The following RAPGEF5 variants were observed in gnomAD, a reference collection of about 807,000 sequenced individuals.
The protein encoded by RAPGEF5 is M-Ras-regulated GEF.
RAPGEF5 carries 65 observed loss-of-function variants against 125.2 expected under a neutral mutation model. That is an observed-to-expected ratio of 0.52 (90% CI 0.43 to 0.64). The LOEUF is 0.64. RAPGEF5 is among the 30% of genes least tolerant of loss of function. RAPGEF5 has a pLI of 0.00. For synonymous variants in RAPGEF5, 391 were observed against 385.9 expected (o/e 1.01, Z -0.16); for missense variants, 958 against 1,048.1 (o/e 0.91, Z 1.19).
chr7:22,239,133 G>C (rs1786260319), intron 7 of RAPGEF5, among the ~76,000 whole-genome samples: 1 of 152,156 alleles, frequency 6.6e-6, no homozygotes, highest in Non-Finnish European at 1.5e-5. Context: ...CTGCCTTTCA[G>C]TTCCCAGGGC....
chr7:22,317,520 G>A (rs544268004), intron 2 of RAPGEF5, among the ~76,000 whole-genome samples: 14 of 152,106 alleles, frequency 9.2e-5, no homozygotes, highest in African/African-American at 2.9e-4. Context: ...GATTACAGGC[G>A]TGAGCCACCA....
chr7:22,195,506 T>C (rs535290844), intron 9 of RAPGEF5, among the ~76,000 whole-genome samples: 15 of 152,204 alleles, frequency 9.9e-5, no homozygotes, highest in Non-Finnish European at 1.8e-4. Context: ...GTAAAACCGA[T>C]GTATTACATT....
At chr7:22,349,422 CA>C (rs34428356) in intron 1 of RAPGEF5, among the ~76,000 whole-genome samples, 5,939 of 74,898 alleles carry the variant, frequency 0.079, 109 homozygotes, top group African/African-American at 0.16. Flanking sequence ...AGACTCCATC[CA>C]AAAAAAAAAA....
At chr7:22,171,427 T>C (rs2128117355) in intron 11 of RAPGEF5, among the ~76,000 whole-genome samples, 1 of 152,392 alleles carries the variant, frequency 6.6e-6, no homozygotes, top group East Asian at 1.9e-4. Context: ...AGTATTCATT[T>C]TGATTTCTAA....
chr7:22,203,215 C>A (rs1301753946), intron 9 of RAPGEF5, among the ~76,000 whole-genome samples: 9 of 152,060 alleles, frequency 5.9e-5, no homozygotes, highest in Non-Finnish European at 8.8e-5. Context: ...GCCCCTCTGC[C>A]AGAGGAGGGC....
At chr7:22,190,631 T>C (rs1391136329) in intron 11 of RAPGEF5, among the ~76,000 whole-genome samples, 1 of 152,212 alleles carries the variant, frequency 6.6e-6, no homozygotes, top group Non-Finnish European at 1.5e-5. Context: ...TATCTATTTG[T>C]ATGTTAACAT....
intron 11 of RAPGEF5, among the ~76,000 whole-genome samples, chr7:22,190,492 G>T (rs1784959362): frequency 1.3e-5 from 2 of 152,100 alleles, no homozygotes; most frequent in South Asian, 4.1e-4. Flanking sequence ...TAAAAAGCTT[G>T]ATTTGCTGAT....
chr7:22,208,213 G>C (rs1381317122), intron 9 of RAPGEF5, among the ~76,000 whole-genome samples: 1 of 152,120 alleles, frequency 6.6e-6, no homozygotes, highest in East Asian at 1.9e-4. Flanking sequence ...GCTTTTCTCA[G>C]TGAATGAAGG....
At position 22,332,570 on chromosome 7, in the gene RAPGEF5, T is replaced by G. The variant is rs76983175; in HGVS notation, c.232-14533A>C. ...CTCACCCACATTTCTGTAGTAAAGA[T>G]TCCATGCTAACAAGAGGTTTTCAAC... On this transcript the variant is annotated intron_variant, in intron 1 of 25. Transcript: ENST00000665637. Among the ~76,000 whole-genome samples, 708 of 152,328 alleles carry G rather than the reference T, an allele frequency of 4.6e-3. 5 individuals carry two copies. The highest frequency in any genetic ancestry group is 8.5e-3 in the Non-Finnish European group (576 of 68,024).
intron 1 of RAPGEF5, among the ~76,000 whole-genome samples, chr7:22,324,498 G>A (rs1783777042): frequency 6.6e-6 from 1 of 152,194 alleles, no homozygotes; most frequent in Admixed American, 6.6e-5. Context: ...CTGTGGTTAT[G>A]TAGAAATGTT....
intron 11 of RAPGEF5, among the ~76,000 whole-genome samples, chr7:22,177,026 A>T (rs374104130): frequency 1.3e-5 from 2 of 152,304 alleles, no homozygotes; most frequent in East Asian, 3.9e-4. Flanking sequence ...TCAATAACAC[A>T]CAGCTGCTTT....
intron 5 of RAPGEF5, among the ~76,000 whole-genome samples, chr7:22,299,608 T>A (rs1464320120): frequency 2.6e-5 from 4 of 152,190 alleles, no homozygotes. Context: ...TTTCCAACTT[T>A]CCCTCTGATA....
intron 9 of RAPGEF5, among the ~76,000 whole-genome samples, chr7:22,207,026 C>T (rs11772760): frequency 0.67 from 101,798 of 151,902 alleles, 34,195 homozygotes; most frequent in South Asian, 0.73. Context: ...TGATATAAGT[C>T]GCAAATATTC....
intron 23 of RAPGEF5, among the ~76,000 whole-genome samples, chr7:22,134,887 G>A (rs1032837207): frequency 2.0e-5 from 3 of 152,078 alleles, no homozygotes; most frequent in Admixed American, 6.5e-5. Flanking sequence ...GAATATTTTC[G>A]GCTTGGATGA....
intron 24 of RAPGEF5, among the ~76,000 whole-genome samples, chr7:22,128,559 A>AAT (rs1184648205): frequency 6.6e-6 from 1 of 152,228 alleles, no homozygotes; most frequent in Non-Finnish European, 1.5e-5. Context: ...TTTACTAAGA[A>AAT]ATATTCCTTG....
intron 7 of RAPGEF5, among the ~76,000 whole-genome samples, chr7:22,231,467 A>G (rs1398264533): frequency 3.3e-5 from 5 of 152,118 alleles, no homozygotes; most frequent in African/African-American, 1.2e-4. Flanking sequence ...GACCTCTTAC[A>G]CAAAGCCCTG....
intron 1 of RAPGEF5, among the ~76,000 whole-genome samples, chr7:22,336,774 T>C (rs1239979830): frequency 6.6e-6 from 1 of 152,184 alleles, no homozygotes; most frequent in African/African-American, 2.4e-5. Flanking sequence ...TTGCAGAGGA[T>C]CCCTGTTTCC....
At chr7:22,228,097 C>G (rs1230488913) in intron 8 of RAPGEF5, among the ~76,000 whole-genome samples, 1 of 152,158 alleles carries the variant, frequency 6.6e-6, no homozygotes, top group Non-Finnish European at 1.5e-5. Flanking sequence ...GTGACAATAA[C>G]TGACAGAGGC....
chr7:22,194,061 G>A, intron 9 of RAPGEF5, 28 bp from the exon 10 acceptor site: 2 of 1,562,086 alleles, frequency 1.3e-6, no homozygotes, highest in African/African-American at 1.4e-5. Context: ...GATGATGGAT[G>A]AGAGAAGGAA....
Sources: gnomAD v4.1 joint callset for allele counts (sites outside exome capture counted in the v4.1 genomes callset) on GRCh38, gnomAD v4.1.1 for gene constraint, MANE v1.5 for transcripts, NCBI Gene and HGNC (gene_info 2026-07-23, HGNC 2026-07-21) for gene names.